CCNY: variants seen among roughly 807,000 people sequenced by gnomAD.
The protein encoded by CCNY is cyclin-Y.
In CCNY, 19 loss-of-function variants were observed where a neutral mutation model predicts 42.8. The ratio of observed to expected loss-of-function variants is 0.44; its 90% CI spans 0.31 to 0.65. CCNY has a LOEUF of 0.65. Among genes scored for constraint, CCNY ranks in the 30% least tolerant of loss-of-function variants. The pLI is 0.07. For missense variants in CCNY, 370 were observed against 437.3 expected (o/e 0.85, Z 1.37); for synonymous variants, 165 against 162.7 (o/e 1.01, Z -0.11).
At chr10:35,367,521 G>T (rs1836835253) in intron 1 of CCNY, among the ~76,000 whole-genome samples, 1 of 152,188 alleles carries the variant, frequency 6.6e-6, no homozygotes, top group Non-Finnish European at 1.5e-5. Flanking sequence ...GATAACATGG[G>T]TCTACATCTC....
chr10:35,562,369 C>T (rs1247282457), intron 8 of CCNY, among the ~76,000 whole-genome samples: 3 of 152,214 alleles, frequency 2.0e-5, no homozygotes, highest in Non-Finnish European at 4.4e-5. Flanking sequence ...TTCTGTAGCA[C>T]TAAGTACATT....
At chr10:35,347,426 C>T (rs2135130999) in intron 1 of CCNY, 2 of 983,600 alleles carry the variant, frequency 2.0e-6, no homozygotes, top group East Asian at 1.1e-4. Context: ...GACCTTCTGA[C>T]TGTTGAAGGC....
chr10:35,544,200 C>A (rs1239852039), intron 7 of CCNY, among the ~76,000 whole-genome samples: 3 of 152,172 alleles, frequency 2.0e-5, no homozygotes, highest in Admixed American at 2.0e-4. Flanking sequence ...CACTCACTCA[C>A]CACTCACTCA....
chr10:35,569,235 C>T lies in CCNY; in HGVS notation c.*65C>T. 2.0e-6 allele frequency: 2 copies of T among 1,012,352 alleles called. No homozygotes were observed. Among genetic ancestry groups the T allele is most frequent in the Non-Finnish European group, 3.1e-6 (2 of 646,292 alleles). The allele number at this position is 1,012,352 out of a possible 1,614,324, so 62.7% of individuals were successfully genotyped here. ...CTCCTTTAGTTTGAGAAAAGACAGA[C>T]TTGGGGTGGGTTTGTTTTTGTTTTT... On this transcript the variant is annotated 3_prime_UTR_variant, in exon 10 of 10. Coordinates refer to ENST00000374704, the MANE Select transcript of CCNY (RefSeq NM_145012.6).
At chr10:35,386,051 A>G (rs938787224) in intron 1 of CCNY, among the ~76,000 whole-genome samples, 11 of 152,118 alleles carry the variant, frequency 7.2e-5, no homozygotes, top group African/African-American at 2.7e-4. Context: ...ACAGAGGGAT[A>G]GGAATAGCGT....
chr10:35,389,005 A>G (rs1837353760), intron 1 of CCNY, among the ~76,000 whole-genome samples: 1 of 152,212 alleles, frequency 6.6e-6, no homozygotes, highest in South Asian at 2.1e-4. Context: ...TCACCCAGAT[A>G]ATACCAGGAA....
At chr10:35,460,311 G>C (rs971598067) in intron 1 of CCNY, among the ~76,000 whole-genome samples, 1 of 152,194 alleles carries the variant, frequency 6.6e-6, no homozygotes, top group Non-Finnish European at 1.5e-5. Flanking sequence ...CAGTGGTGAT[G>C]CCCCCTGGCC....
intron 1 of CCNY, among the ~76,000 whole-genome samples, chr10:35,369,341 A>G (rs761858340): frequency 6.6e-6 from 1 of 152,172 alleles, no homozygotes; most frequent in Non-Finnish European, 1.5e-5. Context: ...AAGGGCATGA[A>G]CATTGTTTGG....
chr10:35,386,188 A>G (rs1035962893), intron 1 of CCNY, among the ~76,000 whole-genome samples: 5 of 152,224 alleles, frequency 3.3e-5, no homozygotes, highest in Non-Finnish European at 5.9e-5. Flanking sequence ...GAAGTCATAC[A>G]TTACATTCTG....
intron 1 of CCNY, among the ~76,000 whole-genome samples, chr10:35,369,475 A>C (rs897825721): frequency 1.3e-5 from 2 of 152,220 alleles, no homozygotes; most frequent in Non-Finnish European, 2.9e-5. Flanking sequence ...TGCTTTCAGA[A>C]GACACAGAAG....
chr10:35,457,831 C>T (rs558025005), intron 1 of CCNY, among the ~76,000 whole-genome samples: 3 of 152,300 alleles, frequency 2.0e-5, no homozygotes, highest in East Asian at 1.9e-4. Context: ...CCACCCGCCT[C>T]GGCCTCTCAA....
In CCNY at chr10:35,470,201, A is replaced by T. The variant is rs117335892; in HGVS notation, c.155-13203A>T. On this transcript the variant is annotated intron_variant, in intron 1 of 9. Transcript: ENST00000374704. ...CAGAGAGGGAAACAGAGATAGGGCA[A>T]TGGAGAGACAGGGAGTTGGAGAGAC... Among the ~76,000 whole-genome samples, 1,477 of 151,300 alleles carry T rather than the reference A, an allele frequency of 9.8e-3. 14 individuals carry two copies. Among genetic ancestry groups the T allele is most frequent in the Middle Eastern group, 0.021 (6 of 288 alleles).
chr10:35,357,172 TCCTGCC>T (rs538749134), intron 1 of CCNY, among the ~76,000 whole-genome samples: 7 of 148,196 alleles, frequency 4.7e-5, no homozygotes, highest in South Asian at 2.1e-4. Context: ...CAGCCCCTGC[TCCTGCC>T]CCTGCCCCTG....
intron 1 of CCNY, among the ~76,000 whole-genome samples, chr10:35,480,680 A>G (rs999417833): frequency 6.6e-6 from 1 of 152,162 alleles, no homozygotes; most frequent in Non-Finnish European, 1.5e-5. Context: ...AAGCAAACCA[A>G]TAGGCTGGGC....
intron 1 of CCNY, among the ~76,000 whole-genome samples, chr10:35,447,430 G>A (rs1838817163): frequency 6.6e-6 from 1 of 152,110 alleles, no homozygotes; most frequent in Admixed American, 6.5e-5. Flanking sequence ...TATATTTAGG[G>A]GCAGATGATG....
At chr10:35,287,073 G>C (rs1835362761) in intron 3 of CCNY, among the ~76,000 whole-genome samples, 1 of 152,202 alleles carries the variant, frequency 6.6e-6, no homozygotes, top group Non-Finnish European at 1.5e-5. Flanking sequence ...TAATTCAAGA[G>C]AGTGTTTTTT....
intron 2 of CCNY, among the ~76,000 whole-genome samples, chr10:35,249,270 A>C (rs1296217564): frequency 6.6e-6 from 1 of 152,168 alleles, no homozygotes; most frequent in African/African-American, 2.4e-5. Flanking sequence ...CCTTATATTG[A>C]GACTAATGTT....
intron 1 of CCNY, among the ~76,000 whole-genome samples, chr10:35,422,020 G>A (rs1356183227): frequency 2.6e-5 from 4 of 152,106 alleles, no homozygotes; most frequent in Non-Finnish European, 4.4e-5. Flanking sequence ...GGAGGAGTCA[G>A]GGTTGAAGTC....
rs1242439749 is a variant in CCNY at position 35,569,429 on chromosome 10, A to G, written c.*259A>G. 1 of 502,102 alleles carries G rather than the reference A, an allele frequency of 2.0e-6. No individual in the cohort carries two copies. The highest frequency in any genetic ancestry group is 3.5e-5 in the East Asian group (1 of 28,966). The allele number at this position is 502,102 out of a possible 1,614,324, so 31.1% of individuals were successfully genotyped here. The stretch of plus-strand genomic sequence containing the variant: ...AAGTGGACTCGAATCCTGGAGGAGG[A>G]AATAAAGGGAAAGGGAAGTCGTGGA... On this transcript the variant is annotated 3_prime_UTR_variant, in exon 10 of 10. Coordinates refer to ENST00000374704, the MANE Select transcript of CCNY (RefSeq NM_145012.6).
Sources: allele counts gnomAD v4.1 joint callset (sites outside exome capture counted in the v4.1 genomes callset), GRCh38; gene constraint gnomAD v4.1.1; transcripts MANE v1.5; gene names NCBI Gene and HGNC (gene_info 2026-07-23, HGNC 2026-07-21).